The following SNX5 variants were observed in gnomAD, a reference collection of about 807,000 sequenced individuals.
SNX5 encodes the protein sorting nexin-5.
SNX5 carries 31 observed loss-of-function variants against 53.9 expected under a neutral mutation model. That is an observed-to-expected ratio of 0.58 (90% confidence interval 0.43 to 0.78). SNX5 has a LOEUF of 0.78. Among genes scored for constraint, SNX5 ranks in the 30% least tolerant of loss-of-function variants. The pLI, the probability that SNX5 is intolerant of heterozygous loss-of-function variation, is 0.00. For missense variants in SNX5, 471 were observed against 478.8 expected, an observed-to-expected ratio of 0.98 and a Z score of 0.15; for synonymous variants, 168 against 171.1, an observed-to-expected ratio of 0.98 and a Z score of 0.14.
intron 1 of SNX5, among the ~76,000 whole-genome samples, chr20:17,966,135 G>C (rs1399063526): frequency 6.6e-6 from 1 of 152,082 alleles, no homozygotes; most frequent in Non-Finnish European, 1.5e-5. Flanking sequence ...TGTCAAGGAA[G>C]GAGAACCCCC....
At chr20:17,962,198 C>CTT (rs71194211) in intron 1 of SNX5, 35 of 133,856 alleles carry the variant, frequency 2.6e-4, no homozygotes, top group African/African-American at 3.4e-4. Context: ...ATTAACTCTG[C>CTT]TTTTTTTTTT....
chr20:17,954,176 G>A (rs192899621), intron 3 of SNX5, 59 bp from the exon 4 acceptor site: 2 of 1,600,504 alleles, frequency 1.2e-6, no homozygotes, highest in Non-Finnish European at 1.7e-6. Context: ...TTTCTAGTTG[G>A]TGCCTCATTC....
At chr20:17,966,359 T>G (rs1440222147) in intron 1 of SNX5, among the ~76,000 whole-genome samples, 2 of 148,350 alleles carry the variant, frequency 1.3e-5, no homozygotes, top group Non-Finnish European at 3.0e-5. Flanking sequence ...CGCTCCAGCC[T>G]GGACGACAGA....
chr20:17,951,341 G>C (rs2039565065), intron 6 of SNX5, 159 bp downstream of exon 6: 8 of 604,466 alleles, frequency 1.3e-5, no homozygotes, highest in South Asian at 8.5e-5. Context: ...GGAAATAAGT[G>C]AAAATTGAAT....
chr20:17,942,714 A>G lies in SNX5; in HGVS notation c.1165-307T>C, dbSNP rs2039433870. 7 of 420,344 alleles carry G rather than the reference A, an allele frequency of 1.7e-5. No homozygotes were observed. In the South Asian group the frequency reaches 2.1e-4, roughly 13 times the overall value. 26.0% of individuals were successfully genotyped at this position (420,344 alleles called of 1,614,324 possible). On this transcript the variant is annotated intron_variant, in intron 12 of 12. Coordinates refer to ENST00000377759, the MANE Select transcript of SNX5 (RefSeq NM_014426.4). ...TACTGTAACTTCTTAAGACACTATC[A>G]GTGCGTTGTTCCATGAAGGCAAGGG...
At chr20:17,955,741 A>T (rs1393835638) in intron 2 of SNX5, among the ~76,000 whole-genome samples, 1 of 152,208 alleles carries the variant, frequency 6.6e-6, no homozygotes, top group Non-Finnish European at 1.5e-5. Context: ...GTTCTAAGAA[A>T]TAAGCCACAA....
At chr20:17,946,317 C>T (rs57255255) in intron 11 of SNX5, among the ~76,000 whole-genome samples, 14,602 of 152,244 alleles carry the variant, frequency 0.096, 751 homozygotes, top group Non-Finnish European at 0.12. Context: ...TACTCAGATG[C>T]TGGTAACTGT....
chr20:17,950,417 AC>A, intron 6 of SNX5, 21 bp from the exon 7 acceptor site: 1 of 1,392,154 alleles, frequency 7.2e-7, no homozygotes. Context: ...GAAAAAAAGA[AC>A]CAGACATTTC....
intron 5 of SNX5, among the ~76,000 whole-genome samples, chr20:17,952,353 T>C (rs983101477): frequency 6.6e-6 from 1 of 152,216 alleles, no homozygotes; most frequent in African/African-American, 2.4e-5. Context: ...CTAAGGGATG[T>C]TTGGGACTGT....
At position 17,952,740 on chromosome 20, in the gene SNX5, T is replaced by C. The variant is rs751510228; in HGVS notation, c.390-30A>G. 6 of 1,608,912 alleles carry C rather than the reference T, an allele frequency of 3.7e-6. No homozygotes were observed. In the East Asian group the frequency reaches 6.7e-5, roughly 18 times the overall value. ...AAAGAGATGTGCACATGGCATTCAG[T>C]TGACACAGCTCAACTACCTGACCAA... On this transcript the variant is annotated intron_variant, in intron 4 of 12. Coordinates refer to ENST00000377759, the MANE Select transcript of SNX5 (RefSeq NM_014426.4).
rs2035375240 is a variant in SNX5, at chr20:17,957,131, AG to A, written c.52-95del. The A allele has an allele frequency of 7.8e-6, 6 of 766,808 alleles. No homozygotes were observed. In the South Asian group the frequency reaches 8.6e-5, roughly 11 times the overall value. 47.5% of individuals were successfully genotyped at this position (766,808 alleles called of 1,614,324 possible). A position where few individuals can be genotyped will look rare whatever the true frequency, so the allele number is the denominator to read the frequency against. ...AGTTACTAAAAAGCAGTTTATACATAGATCATTTAGAAATGTCAGTTGAGCT... is the reference window on the plus strand; with the variant it reads ...AGTTACTAAAAAGCAGTTTATACATAATCATTTAGAAATGTCAGTTGAGCT... On this transcript the variant is annotated intron_variant, in intron 1 of 12. Coordinates refer to ENST00000377759, the MANE Select transcript of SNX5 (RefSeq NM_014426.4).
intron 1 of SNX5, among the ~76,000 whole-genome samples, chr20:17,966,546 A>G (rs1407817848): frequency 1.3e-5 from 2 of 152,244 alleles, no homozygotes; most frequent in East Asian, 3.8e-4. Context: ...ACCAGACACG[A>G]CTGACACAGT....
chr20:17,953,491 C>T (rs537811673), intron 4 of SNX5, among the ~76,000 whole-genome samples: 1 of 152,302 alleles, frequency 6.6e-6, no homozygotes, highest in Admixed American at 6.5e-5. Context: ...TATAACAGCA[C>T]TATTTGGCCT....
At chr20:17,965,407 C>T (rs1264235516) in intron 1 of SNX5, among the ~76,000 whole-genome samples, 1 of 152,174 alleles carries the variant, frequency 6.6e-6, no homozygotes, top group Non-Finnish European at 1.5e-5. Flanking sequence ...GTTTACAGCT[C>T]AGAAACAAAT....
At chr20:17,946,517 G>A (rs1600332939) in intron 11 of SNX5, among the ~76,000 whole-genome samples, 1 of 152,296 alleles carries the variant, frequency 6.6e-6, no homozygotes, top group East Asian at 1.9e-4. Context: ...ATACAATAAT[G>A]AATTCTAAAC....
chr20:17,968,294 G>A (rs2035599983), intron 1 of SNX5, 81 bp downstream of exon 1: 5 of 1,156,846 alleles, frequency 4.3e-6, no homozygotes, highest in Non-Finnish European at 5.5e-6. Flanking sequence ...CACGGCCTAT[G>A]GACGCGCAAG....
At chr20:17,954,613 T>C (rs1405446353) in intron 3 of SNX5, among the ~76,000 whole-genome samples, 1 of 152,242 alleles carries the variant, frequency 6.6e-6, no homozygotes, top group Non-Finnish European at 1.5e-5. Flanking sequence ...TCAGTCTGCC[T>C]GGCAGGACAA....
chr20:17,967,841 T>C (rs1366265865), intron 1 of SNX5: 7 of 388,672 alleles, frequency 1.8e-5, no homozygotes, highest in Non-Finnish European at 2.7e-5. Context: ...CTACTAAAAA[T>C]TACACAACTC....
intron 10 of SNX5, among the ~76,000 whole-genome samples, chr20:17,947,994 C>T (rs186503124): frequency 3.9e-5 from 6 of 152,224 alleles, no homozygotes; most frequent in South Asian, 2.1e-4. Flanking sequence ...TCAAGTTGAG[C>T]GCTGCTAAAA....
Sources: allele counts gnomAD v4.1 joint callset (sites outside exome capture counted in the v4.1 genomes callset), GRCh38; gene constraint gnomAD v4.1.1; transcripts MANE v1.5; gene names NCBI Gene and HGNC (gene_info 2026-07-23, HGNC 2026-07-21).